Variants in SLCO3A1 observed in about 807,000 individuals in gnomAD.
SLCO3A1 encodes the protein solute carrier organic anion transporter family member 3A1.
In SLCO3A1, 27 loss-of-function variants were observed where a neutral mutation model predicts 63.1. The observed-to-expected ratio is 0.43, with a 90% CI of 0.32 to 0.59. The LOEUF (loss-of-function observed/expected upper bound fraction) is 0.59. Among genes scored for constraint, SLCO3A1 ranks in the 20% least tolerant of loss-of-function variants. The pLI is 0.09. For missense variants in SLCO3A1, 773 were observed against 945.8 expected (o/e 0.82, Z 2.40); for synonymous variants, 473 against 409.9 (o/e 1.15, Z -1.86).
chr15:92,096,381 T>C (rs1157214025), intron 3 of SLCO3A1, among the ~76,000 whole-genome samples: 2 of 152,224 alleles, frequency 1.3e-5, no homozygotes, highest in Non-Finnish European at 2.9e-5. Context: ...AGGTTTACTA[T>C]GGAAAGAGAA....
At chr15:91,969,540 CA>C (rs1900782740) in intron 2 of SLCO3A1, among the ~76,000 whole-genome samples, 1 of 152,182 alleles carries the variant, frequency 6.6e-6, no homozygotes, top group Non-Finnish European at 1.5e-5. Flanking sequence ...CTCCTCACCT[CA>C]GGTGGTCCAC....
rs191999994 is a variant in SLCO3A1, at chr15:92,078,748, G to A, written c.647-16133G>A. On this transcript the variant is annotated intron_variant, in intron 2 of 9. Transcript: ENST00000318445. ...TCTCTCTGTGTCTCAGTTTCCTTAC[G>A]TTAAAATGGGAGTGTATCTGCGCAT... Among the ~76,000 whole-genome samples, 129 of 152,142 alleles carry A rather than the reference G, an allele frequency of 8.5e-4. No homozygotes were observed. In the Middle Eastern group the frequency reaches 0.014, roughly 16 times the overall value.
rs760278237 is a variant in SLCO3A1, at chr15:91,916,249, G to T, written c.437G>T (p.Gly146Val). The T allele has an allele frequency of 6.4e-7, 1 of 1,566,502 alleles. No individual in the cohort carries two copies. The highest frequency in any genetic ancestry group is 2.4e-5 in the East Asian group (1 of 42,016). Residue 146 changes from glycine to valine, a missense_variant, in exon 2 of 10, where the codon GGC (glycine) becomes GTC (valine). Physicochemically the swap from Gly to Val is moderately radical, Grantham distance 109 (BLOSUM62 -3). Transcript: ENST00000318445. This position sits in a 1 kb window ranked among gnomAD's most constrained non-coding sequence, Gnocchi z 6.2. ...GGCGAGATCCGCTGGGGCGCCGAGG[G>T]CCGCGACGTCTGCGCAGCCAACGGC... is the stretch of plus-strand genomic sequence containing the variant. ...EAGEIRWGAE[G>V]RDVCAANGSG...
chr15:92,017,736 G>A (rs563024852), intron 2 of SLCO3A1, among the ~76,000 whole-genome samples: 3 of 152,138 alleles, frequency 2.0e-5, no homozygotes, highest in South Asian at 2.1e-4. Context: ...AGGGATGAGC[G>A]AAAAGGGAAG....
At chr15:92,117,253 T>G (rs2047806248) in intron 4 of SLCO3A1, among the ~76,000 whole-genome samples, 2 of 152,330 alleles carry the variant, frequency 1.3e-5, no homozygotes, top group Middle Eastern at 3.4e-3. Context: ...GAAATCATCA[T>G]CAGTGTCATT....
Position 92,146,966 on chromosome 15 carries a change from T to C in SLCO3A1, c.1513-18T>C, listed in dbSNP as rs2048233171. On this transcript the variant is annotated intron_variant, in intron 7 of 9. Transcript: ENST00000318445. ...CGGAAGTACCCCCAGATAAAAGGGC[T>C]GAACGCTTCCCTTTCAGAATCTCAC... 1.3e-6 allele frequency: 2 copies of C among 1,595,030 alleles called. No individual in the cohort carries two copies. The highest frequency in any genetic ancestry group is 1.7e-4 in the Middle Eastern group (1 of 5,948).
intron 5 of SLCO3A1, among the ~76,000 whole-genome samples, chr15:92,124,554 G>A (rs375078606): frequency 5.8e-4 from 88 of 152,264 alleles, no homozygotes; most frequent in African/African-American, 1.8e-3. Context: ...TGCCCACTCC[G>A]TGCTGGGTAC....
rs538082977 is a variant in SLCO3A1, at chr15:92,100,177, A to C, written c.746-4102A>C. ...ACAAGTCCAAGCTGTGCCTGGCTTC[A>C]TGACAGATATTTCATGGTACACCCA... On this transcript the variant is annotated intron_variant, in intron 3 of 9. Transcript: ENST00000318445. Among the ~76,000 whole-genome samples the C allele has an allele frequency of 1.1e-4, 15 of 138,778 alleles. No individual in the cohort carries two copies. In the South Asian group the frequency reaches 1.9e-3, roughly 18 times the overall value. The allele number at this position is 138,778 out of a possible 152,430, so 91.0% of individuals were successfully genotyped here.
intron 2 of SLCO3A1, among the ~76,000 whole-genome samples, chr15:91,979,593 C>T (rs1198196099): frequency 1.3e-5 from 2 of 152,110 alleles, no homozygotes; most frequent in African/African-American, 2.4e-5. Flanking sequence ...ATGGCACTGC[C>T]GTGTAGAAGT....
chr15:92,162,054 C>T (rs997921352), intron 9 of SLCO3A1: 5 of 151,236 alleles, frequency 3.3e-5, no homozygotes, highest in Non-Finnish European at 7.4e-5. Flanking sequence ...CTCAGGCTCT[C>T]AGCAGAGGAT....
intron 2 of SLCO3A1, among the ~76,000 whole-genome samples, chr15:92,090,859 TAGG>T (rs1454297261): frequency 1.3e-5 from 2 of 152,122 alleles, no homozygotes; most frequent in Admixed American, 1.3e-4. Context: ...GGTTTGCAAA[TAGG>T]AGGTCATTCA....
intron 2 of SLCO3A1, among the ~76,000 whole-genome samples, chr15:91,929,902 C>A (rs1025256041): frequency 6.6e-6 from 1 of 152,092 alleles, no homozygotes; most frequent in Non-Finnish European, 1.5e-5. Flanking sequence ...CCAAATATTC[C>A]ACTCTATGCT....
chr15:92,005,039 A>C (rs1306001966), intron 2 of SLCO3A1, among the ~76,000 whole-genome samples: 1 of 152,216 alleles, frequency 6.6e-6, no homozygotes, highest in Non-Finnish European at 1.5e-5. Flanking sequence ...CAACTTACTA[A>C]AAAGCAGAGC....
chr15:92,020,607 G>A (rs2046496963), intron 2 of SLCO3A1, among the ~76,000 whole-genome samples: 1 of 152,240 alleles, frequency 6.6e-6, no homozygotes, highest in Non-Finnish European at 1.5e-5. Flanking sequence ...TTAAGGAAGT[G>A]AGGAGGATGG....
intron 2 of SLCO3A1, among the ~76,000 whole-genome samples, chr15:92,009,458 ACTCGAGAATGT>A (rs1243168482): frequency 6.6e-6 from 1 of 152,122 alleles, no homozygotes; most frequent in African/African-American, 2.4e-5. Context: ...GCAAAAGCCA[ACTCGAGAATGT>A]CTCCAGCACG....
chr15:91,962,665 C>G (rs1900493748), intron 2 of SLCO3A1, among the ~76,000 whole-genome samples: 1 of 151,740 alleles, frequency 6.6e-6, no homozygotes, highest in South Asian at 2.1e-4. Flanking sequence ...CAACGGAGAG[C>G]CCAGCAGTGA....
intron 4 of SLCO3A1, among the ~76,000 whole-genome samples, chr15:92,108,048 C>T (rs1005891889): frequency 6.6e-6 from 1 of 152,164 alleles, no homozygotes; most frequent in Non-Finnish European, 1.5e-5. Context: ...CTAAAAAAAG[C>T]GGGCTGCAGA....
rs1399587249 is a variant in SLCO3A1 at position 92,163,985 on chromosome 15, C to T, written c.*850C>T. ...CCGGCTCAGAGCTGGTGAGACCCAA[C>T]GCAGTCCAAGTCATTTGCTTACATT... is the stretch of plus-strand genomic sequence containing the variant. On this transcript the variant is annotated 3_prime_UTR_variant, in exon 10 of 10. Transcript: ENST00000318445. 7 of 985,310 alleles carry T rather than the reference C, an allele frequency of 7.1e-6. No homozygotes were observed. The highest frequency in any genetic ancestry group is 1.7e-5 in the African/African-American group (1 of 57,204). The allele number at this position is 985,310 out of a possible 1,614,324, so 61.0% of individuals were successfully genotyped here. A position where few individuals can be genotyped will look rare whatever the true frequency, so the allele number is the denominator to read the frequency against.
intron 2 of SLCO3A1, among the ~76,000 whole-genome samples, chr15:92,023,661 A>T (rs2046537020): frequency 6.6e-6 from 1 of 151,976 alleles, no homozygotes; most frequent in African/African-American, 2.4e-5. Flanking sequence ...TAGAGACGGG[A>T]TTTCACTTTG....
Sources: gnomAD v4.1 joint callset for allele counts (sites outside exome capture counted in the v4.1 genomes callset) on GRCh38, gnomAD v4.1.1 for gene constraint, Gnocchi (gnomAD v3.1) non-coding constraint, MANE v1.5 for transcripts, NCBI Gene and HGNC (gene_info 2026-07-23, HGNC 2026-07-21) for gene names.